Variants in GLRA1 observed in about 807,000 individuals in gnomAD.
The protein encoded by GLRA1 is glycine receptor subunit alpha-1.
In GLRA1, 37 loss-of-function variants were observed where a neutral mutation model predicts 48.3. That is an observed-to-expected ratio of 0.77 (90% CI 0.59 to 1.01). The LOEUF (loss-of-function observed/expected upper bound fraction) is 1.01, where lower values mean the gene tolerates loss of function less well. Ranked by LOEUF, GLRA1 falls within the 50% of genes least tolerant of loss-of-function variation. The probability of loss-of-function intolerance (pLI) is 0.00; values close to 1 mark genes in which losing one functional copy is unlikely to be tolerated. For synonymous variants in GLRA1, 196 were observed against 210.7 expected, an observed-to-expected ratio of 0.93 and a Z score of 0.60; for missense variants, 427 against 571.0, an observed-to-expected ratio of 0.75 and a Z score of 2.57.
At chr5:151,879,291 A>G (rs1448321446) in intron 3 of GLRA1, among the ~76,000 whole-genome samples, 1 of 148,816 alleles carries the variant, frequency 6.7e-6, no homozygotes, top group African/African-American at 2.5e-5. Context: ...TTTATCCAAT[A>G]CCTGTACCCC....
intron 2 of GLRA1, among the ~76,000 whole-genome samples, chr5:151,888,806 AG>A (rs1376833835): frequency 6.6e-6 from 1 of 152,212 alleles, no homozygotes; most frequent in Non-Finnish European, 1.5e-5. Flanking sequence ...TACTTCCAGC[AG>A]TGGGAAACTC....
chr5:151,858,197 G>A (rs888296968), intron 4 of GLRA1, among the ~76,000 whole-genome samples: 1 of 152,270 alleles, frequency 6.6e-6, no homozygotes, highest in East Asian at 1.9e-4. Context: ...CTGGATGTGG[G>A]CCCCTTTAAG....
chr5:151,831,605 T>G (rs1413949676), intron 7 of GLRA1, among the ~76,000 whole-genome samples: 1 of 152,156 alleles, frequency 6.6e-6, no homozygotes, highest in Non-Finnish European at 1.5e-5. Context: ...TCTAGATTCC[T>G]CCTCTCTGGG....
chr5:151,924,783 C>A lies in GLRA1; in HGVS notation c.-234G>T. 1.7e-6 allele frequency: 1 copy of A among 604,644 alleles called. No homozygotes were observed. The highest frequency in any genetic ancestry group is 3.0e-6 in the Non-Finnish European group (1 of 338,136). 37.5% of individuals were successfully genotyped at this position (604,644 alleles called of 1,614,324 possible). On this transcript the variant is annotated 5_prime_UTR_variant, in exon 1 of 9. Coordinates refer to ENST00000274576, the MANE Select transcript of GLRA1 (RefSeq NM_000171.4). Reference sequence around the variant, plus strand: ...GCACCACGGAGAGCGTCCAGACCTGCTTTTCAGGAGCGCGAAGAGTATTGC... The same window carrying A: ...GCACCACGGAGAGCGTCCAGACCTGATTTTCAGGAGCGCGAAGAGTATTGC...
At chr5:151,874,803 G>A (rs1753584649) in intron 3 of GLRA1, among the ~76,000 whole-genome samples, 1 of 152,094 alleles carries the variant, frequency 6.6e-6, no homozygotes. Context: ...GATCTTTCTG[G>A]GCAGAGGGAA....
chr5:151,895,625 CTGTGTGTGTGTGTGTGTGTG>C (rs67871185), intron 1 of GLRA1, among the ~76,000 whole-genome samples: 1 of 146,592 alleles, frequency 6.8e-6, no homozygotes, highest in Non-Finnish European at 1.5e-5. Context: ...GTGTGTGTGT[CTGTGTGTGTGTGTGTGTGTG>C]TGTGTGTGTG....
intron 7 of GLRA1, among the ~76,000 whole-genome samples, chr5:151,842,523 T>G (rs1276824879): frequency 6.6e-6 from 1 of 152,178 alleles, no homozygotes; most frequent in African/African-American, 2.4e-5. Context: ...TCTAAATAGA[T>G]GCAGAAACAG....
chr5:151,849,100 TTTCTTTTC>T, intron 7 of GLRA1: 1 of 169,300 alleles, frequency 5.9e-6, no homozygotes, highest in African/African-American at 7.4e-5. Context: ...TTTTATTTCT[TTTCTTTTC>T]TTTCTTTCTT....
At chr5:151,877,706 C>T (rs923029738) in intron 3 of GLRA1, among the ~76,000 whole-genome samples, 1 of 152,198 alleles carries the variant, frequency 6.6e-6, no homozygotes, top group Non-Finnish European at 1.5e-5. Flanking sequence ...CTCACAAGAT[C>T]TGATAGTTTT....
At chr5:151,876,489 AT>A (rs1383035336) in intron 3 of GLRA1, among the ~76,000 whole-genome samples, 5 of 152,226 alleles carry the variant, frequency 3.3e-5, no homozygotes, top group African/African-American at 1.2e-4. Context: ...ATTATTAATA[AT>A]TTACAGAGAA....
intron 1 of GLRA1, among the ~76,000 whole-genome samples, chr5:151,911,600 G>GTTTTT (rs768033241): frequency 3.9e-4 from 36 of 92,350 alleles, no homozygotes; most frequent in South Asian, 7.0e-4. Flanking sequence ...CCAAGCTAGA[G>GTTTTT]TTTTTTTTTT....
intron 1 of GLRA1, among the ~76,000 whole-genome samples, chr5:151,922,662 C>A (rs553955598): frequency 6.6e-6 from 1 of 152,220 alleles, no homozygotes; most frequent in African/African-American, 2.4e-5. Flanking sequence ...GTTAGGCCAC[C>A]ACCAGCTTAG....
intron 7 of GLRA1, among the ~76,000 whole-genome samples, chr5:151,831,048 G>T (rs1404792233): frequency 6.6e-6 from 1 of 152,198 alleles, no homozygotes; most frequent in Non-Finnish European, 1.5e-5. Context: ...ACAAGGGGTT[G>T]GGGATCTCCC....
intron 3 of GLRA1, chr5:151,875,588 T>C (rs2347598): frequency 0.034 from 5,196 of 152,300 alleles, 139 homozygotes; most frequent in Middle Eastern, 0.054. Flanking sequence ...CAAGTTCTTA[T>C]AGGACTGGAC....
chr5:151,849,109 TTTC>T (rs1280723415), intron 7 of GLRA1: 24 of 149,784 alleles, frequency 1.6e-4, no homozygotes, highest in African/African-American at 1.2e-3. Context: ...TTTTCTTTTC[TTTC>T]TTTCTTTCTT....
chr5:151,861,045 A>G (rs1253529297), intron 3 of GLRA1, among the ~76,000 whole-genome samples: 1 of 152,220 alleles, frequency 6.6e-6, no homozygotes, highest in Non-Finnish European at 1.5e-5. Context: ...GTCCCTATAA[A>G]GGACATGCAC....
chr5:151,882,612 T>C (rs1753786805), intron 3 of GLRA1, among the ~76,000 whole-genome samples: 1 of 152,152 alleles, frequency 6.6e-6, no homozygotes, highest in African/African-American at 2.4e-5. Context: ...CAGACCTGTG[T>C]TTCTACCACA....
In GLRA1 at chr5:151,924,571, T is replaced by C; in HGVS notation, c.-22A>G. 6.5e-7 allele frequency: 1 copy of C among 1,533,232 alleles called. No homozygotes were observed. 95.0% of individuals were successfully genotyped at this position (1,533,232 alleles called of 1,614,324 possible). A position where few individuals can be genotyped will look rare whatever the true frequency, so the allele number is the denominator to read the frequency against. On this transcript the variant is annotated 5_prime_UTR_variant, in exon 1 of 9. Transcript: ENST00000274576. ...ACATTTTTCAGGTCCTTGTGCTTTG[T>C]AGTCCACGAGTTATGGGGGCAAAAA...
chr5:151,849,544 C>T, intron 7 of GLRA1: 1 of 137,790 alleles, frequency 7.3e-6, no homozygotes, highest in East Asian at 2.1e-4. Flanking sequence ...TTTCTGTCCT[C>T]TCTCTCTCTT....
Sources: gnomAD v4.1 joint callset for allele counts (sites outside exome capture counted in the v4.1 genomes callset) on GRCh38, gnomAD v4.1.1 for gene constraint, MANE v1.5 for transcripts, NCBI Gene and HGNC (gene_info 2026-07-23, HGNC 2026-07-21) for gene names.